Variants in NFATC3 observed in about 807,000 individuals in gnomAD.
NFATC3 encodes the protein nuclear factor of activated T-cells, cytoplasmic 3.
NFATC3 carries 46 observed loss-of-function variants against 98.6 expected under a neutral mutation model. The observed-to-expected ratio is 0.47, with a 90% CI of 0.37 to 0.60. The LOEUF (loss-of-function observed/expected upper bound fraction) is 0.60. NFATC3 is among the 20% of genes least tolerant of loss of function. The pLI is 0.00. For synonymous variants in NFATC3, 512 were observed against 472.2 expected, an observed-to-expected ratio of 1.08 and a Z score of -1.09; for missense variants, 1,256 against 1,295.5, an observed-to-expected ratio of 0.97 and a Z score of 0.47.
At chr16:68,129,678 T>C (rs944535122) in intron 3 of NFATC3, among the ~76,000 whole-genome samples, 1 of 149,430 alleles carries the variant, frequency 6.7e-6, no homozygotes, top group Non-Finnish European at 1.5e-5. Flanking sequence ...CGCCTTTTTT[T>C]TTTTTTTTTT....
rs557433820 is a variant in NFATC3, at chr16:68,097,386, G to T, written c.103+11602G>T. Among the ~76,000 whole-genome samples the T allele has an allele frequency of 1.6e-4, 24 of 152,324 alleles. No individual in the cohort carries two copies. The South Asian group carries it at 5.0e-3, about 32-fold the overall frequency. ...ATAGTAAAAAGGAGTTCAGTTTTGTGTATGTCTAGTTTGAAGCATCTGTAG... is the reference window on the plus strand; with the variant it reads ...ATAGTAAAAAGGAGTTCAGTTTTGTTTATGTCTAGTTTGAAGCATCTGTAG... On this transcript the variant is annotated intron_variant, in intron 1 of 9. Coordinates refer to ENST00000346183, the MANE Select transcript of NFATC3 (RefSeq NM_173165.3).
At chr16:68,092,078 T>G (rs2034741959) in intron 1 of NFATC3, among the ~76,000 whole-genome samples, 1 of 152,220 alleles carries the variant, frequency 6.6e-6, no homozygotes, top group African/African-American at 2.4e-5. Flanking sequence ...GGCTCTAAGA[T>G]TTAAGTAACA....
intron 4 of NFATC3, among the ~76,000 whole-genome samples, chr16:68,164,284 C>T (rs903970833): frequency 3.9e-5 from 6 of 152,176 alleles, no homozygotes; most frequent in Non-Finnish European, 7.4e-5. Flanking sequence ...CGCCTGCAAT[C>T]GCAGGCTGAG....
intron 5 of NFATC3, 145 bp from the exon 6 acceptor site, chr16:68,174,229 T>C (rs1021746942): frequency 2.0e-6 from 1 of 499,346 alleles, no homozygotes; most frequent in African/African-American, 2.0e-5. Flanking sequence ...TTTGTTGCCA[T>C]TGTCTTGAAT....
chr16:68,175,394 A>G (rs950166689), intron 6 of NFATC3, among the ~76,000 whole-genome samples: 3 of 152,222 alleles, frequency 2.0e-5, no homozygotes, highest in Non-Finnish European at 4.4e-5. Flanking sequence ...TGAGTAGTAT[A>G]CTTTAAAAGG....
At chr16:68,213,160 A>G (rs776914604) in intron 9 of NFATC3, among the ~76,000 whole-genome samples, 2 of 150,666 alleles carry the variant, frequency 1.3e-5, no homozygotes, top group Non-Finnish European at 3.0e-5. Flanking sequence ...TCACGCCTAT[A>G]ATCCCAGCAC....
In NFATC3 at chr16:68,226,491, G is replaced by C. The variant is rs377116158; in HGVS notation, c.*20G>C. The stretch of plus-strand genomic sequence containing the variant: ...CTCTAACAGTGCTTACTGCAGCCTT[G>C]TGTCCACCACCAACTTCTCAGCATG... On this transcript the variant is annotated 3_prime_UTR_variant, in exon 10 of 10. Transcript: ENST00000346183. 19 of 1,473,090 alleles carry C rather than the reference G, an allele frequency of 1.3e-5. No individual in the cohort carries two copies. The highest frequency in any genetic ancestry group is 1.5e-5 in the Non-Finnish European group (17 of 1,116,280). 91.3% of individuals were successfully genotyped at this position (1,473,090 alleles called of 1,614,324 possible).
At chr16:68,124,850 T>G (rs2036753248) in intron 2 of NFATC3, among the ~76,000 whole-genome samples, 1 of 152,152 alleles carries the variant, frequency 6.6e-6, no homozygotes, top group Admixed American at 6.6e-5. Context: ...TGCCTCAGCC[T>G]CCCGAGTAGC....
chr16:68,101,561 G>A (rs1424258169), intron 1 of NFATC3, among the ~76,000 whole-genome samples: 2 of 150,920 alleles, frequency 1.3e-5, no homozygotes, highest in East Asian at 1.9e-4. Context: ...TCGGCTCACT[G>A]CAAGCTCCGC....
At chr16:68,225,912 A>G (rs1036333328) in intron 9 of NFATC3, 1 of 152,554 alleles carries the variant, frequency 6.6e-6, no homozygotes, top group African/African-American at 2.4e-5. Flanking sequence ...GCCCCCACAT[A>G]ATAAAGAGTG....
chr16:68,151,642 C>T (rs953234806), intron 3 of NFATC3, among the ~76,000 whole-genome samples: 10 of 152,226 alleles, frequency 6.6e-5, no homozygotes, highest in Admixed American at 4.6e-4. Context: ...AATCTCTGGC[C>T]CTTTCTCCTT....
intron 8 of NFATC3, among the ~76,000 whole-genome samples, chr16:68,188,242 G>A (rs2040292501): frequency 1.3e-5 from 2 of 152,150 alleles, no homozygotes; most frequent in South Asian, 4.1e-4. Context: ...GGCTTCCTGG[G>A]TCTCTCTTCC....
At chr16:68,101,919 T>G (rs2035386838) in intron 1 of NFATC3, among the ~76,000 whole-genome samples, 1 of 152,210 alleles carries the variant, frequency 6.6e-6, no homozygotes, top group South Asian at 2.1e-4. Flanking sequence ...TAGCATGTTG[T>G]ACATCTGTCA....
Position 68,181,456 on chromosome 16 carries a change from A to T in NFATC3, c.1916-19A>T, listed in dbSNP as rs1303759986. On this transcript the variant is annotated intron_variant, in intron 6 of 9. Coordinates refer to ENST00000346183, the MANE Select transcript of NFATC3 (RefSeq NM_173165.3). Reference sequence around the variant, plus strand: ...TCTGATATGAATTGCTTTTAACTATAAACTCTTTCTTTCAATAGATGGACG... The same window carrying T: ...TCTGATATGAATTGCTTTTAACTATTAACTCTTTCTTTCAATAGATGGACG... The T allele has an allele frequency of 6.3e-7, 1 of 1,599,212 alleles. No homozygotes were observed. The highest frequency in any genetic ancestry group is 1.7e-5 in the Admixed American group (1 of 59,542).
rs35024337 is a variant in NFATC3 at position 68,215,722 on chromosome 16, CT to C, written c.3107-10605del. Among the ~76,000 whole-genome samples the C allele has an allele frequency of 6.9e-3, 663 of 95,998 alleles. 3 individuals carry two copies. The highest frequency in any genetic ancestry group is 0.02 in the African/African-American group (464 of 22,704). The allele number at this position is 95,998 out of a possible 152,430, so 63.0% of individuals were successfully genotyped here. ...CTTCTTTGAGATAGAGAGATTTGCACTTTTTTTTTTTTTTTTTTTTTTTGAG... is the reference window on the plus strand; with the variant it reads ...CTTCTTTGAGATAGAGAGATTTGCACTTTTTTTTTTTTTTTTTTTTTTGAG... On this transcript the variant is annotated intron_variant, in intron 9 of 9. Coordinates refer to ENST00000346183, the MANE Select transcript of NFATC3 (RefSeq NM_173165.3).
chr16:68,142,475 C>T (rs1181876748), intron 3 of NFATC3, among the ~76,000 whole-genome samples: 5 of 151,938 alleles, frequency 3.3e-5, no homozygotes, highest in East Asian at 3.9e-4. Flanking sequence ...ATCTAGGAGT[C>T]GGCCTGGCAT....
intron 3 of NFATC3, among the ~76,000 whole-genome samples, chr16:68,132,840 C>T (rs542668308): frequency 2.6e-5 from 4 of 152,122 alleles, no homozygotes; most frequent in Admixed American, 1.3e-4. Context: ...ATAGAATTTT[C>T]GTTATCAGAG....
chr16:68,214,372 A>G, intron 9 of NFATC3: 2 of 1,614,246 alleles, frequency 1.2e-6, no homozygotes, highest in Non-Finnish European at 1.7e-6. Flanking sequence ...CAGGTTCAGC[A>G]GAGAAATGGC....
intron 1 of NFATC3, among the ~76,000 whole-genome samples, chr16:68,094,770 CTT>C (rs1411666489): frequency 2.6e-5 from 4 of 152,176 alleles, no homozygotes; most frequent in African/African-American, 7.2e-5. Flanking sequence ...GTAAAATACT[CTT>C]AATCTTCTAG....
Sources: gnomAD v4.1 joint callset for allele counts (sites outside exome capture counted in the v4.1 genomes callset) on GRCh38, gnomAD v4.1.1 for gene constraint, MANE v1.5 for transcripts, NCBI Gene and HGNC (gene_info 2026-07-23, HGNC 2026-07-21) for gene names.